The following CLASP1 variants were observed in gnomAD, a reference collection of about 807,000 sequenced individuals.
CLASP1 encodes the protein CLIP-associating protein 1.
In CLASP1, 38 loss-of-function variants were observed where a neutral mutation model predicts 192.3. That is an observed-to-expected ratio of 0.20 (90% CI 0.15 to 0.26). CLASP1 has a LOEUF of 0.26. Among genes scored for constraint, CLASP1 ranks in the 10% least tolerant of loss-of-function variants. The pLI, the probability that CLASP1 is intolerant of heterozygous loss-of-function variation, is 1.00. For synonymous variants in CLASP1, 691 were observed against 712.8 expected (o/e 0.97, Z 0.49); for missense variants, 1,433 against 1,932.5 (o/e 0.74, Z 4.85).
At position 121,365,304 on chromosome 2, in the gene CLASP1, A is replaced by G. The variant is rs1331124315; in HGVS notation, c.3887-20T>C. ...TGGGCACTGGTGAAACACACCAGAC[A>G]TACGTCACCTCGTGAGGAAATGCCC... On this transcript the variant is annotated intron_variant, in intron 35 of 39. Coordinates refer to ENST00000263710, the Ensembl canonical transcript of CLASP1. 6.2e-7 allele frequency: 1 copy of G among 1,603,232 alleles called. No individual in the cohort carries two copies. The highest frequency in any genetic ancestry group is 2.2e-5 in the East Asian group (1 of 44,714).
chr2:121,530,975 C>A lies in CLASP1; in HGVS notation c.196-650G>T, dbSNP rs538424742. On this transcript the variant is annotated intron_variant, in intron 2 of 39. Coordinates refer to ENST00000263710, the Ensembl canonical transcript of CLASP1. ...AACAACACACCCGCATCAACTAGAG[C>A]TTTTGCTTTATTTTGGTGCAATTTT... The A allele has an allele frequency of 5.7e-6, 4 of 700,418 alleles. No individual in the cohort carries two copies. The highest frequency in any genetic ancestry group is 5.4e-5 in the East Asian group (2 of 37,308). 43.4% of individuals were successfully genotyped at this position (700,418 alleles called of 1,614,324 possible). A position where few individuals can be genotyped will look rare whatever the true frequency, so the allele number is the denominator to read the frequency against.
exon 38 of CLASP1, chr2:121,348,541 G>A (rs1263980328): frequency 6.2e-7 from 1 of 1,612,228 alleles, no homozygotes; most frequent in African/African-American, 1.3e-5. Flanking sequence ...ATGTCGACAA[G>A]GAGCTGCAGC....
chr2:121,480,186 G>A (rs547729805), intron 8 of CLASP1, among the ~76,000 whole-genome samples: 1 of 152,326 alleles, frequency 6.6e-6, no homozygotes, highest in East Asian at 1.9e-4. Flanking sequence ...CTTCACAAAG[G>A]GAGGTCAAAT....
At chr2:121,377,507 A>G (rs769714674) in exon 34 of CLASP1, 2 of 1,603,456 alleles carry the variant, frequency 1.2e-6, no homozygotes, top group South Asian at 1.1e-5. Context: ...ACAATATCAC[A>G]CTCCTTTTTG....
At chr2:121,569,383 G>T (rs1576079635) in intron 2 of CLASP1, among the ~76,000 whole-genome samples, 1 of 152,236 alleles carries the variant, frequency 6.6e-6, no homozygotes, top group East Asian at 1.9e-4. Context: ...AGGGCGGCTG[G>T]AGGACAGTAA....
intron 2 of CLASP1, among the ~76,000 whole-genome samples, chr2:121,555,988 C>CCTT (rs2058518177): frequency 2.4e-5 from 1 of 42,372 alleles, no homozygotes; most frequent in Non-Finnish European, 4.0e-5. Flanking sequence ...CTACCCACCG[C>CCTT]TTTTTTTTTT....
intron 7 of CLASP1, chr2:121,503,877 A>T (rs1176957951): frequency 6.6e-6 from 1 of 152,196 alleles, no homozygotes; most frequent in Non-Finnish European, 1.5e-5. Flanking sequence ...AGTGACACCA[A>T]AAATGAAAGG....
intron 2 of CLASP1, among the ~76,000 whole-genome samples, chr2:121,548,166 C>A (rs1575872005): frequency 6.6e-6 from 1 of 152,034 alleles, no homozygotes; most frequent in South Asian, 2.1e-4. Context: ...AAAGTAAGAA[C>A]CAAAATAAAA....
chr2:121,431,927 T>C (rs2081501706), intron 19 of CLASP1, among the ~76,000 whole-genome samples: 1 of 152,180 alleles, frequency 6.6e-6, no homozygotes. Context: ...ATACTTTATT[T>C]TTTCCATATA....
chr2:121,357,286 C>G (rs558405818), intron 37 of CLASP1, among the ~76,000 whole-genome samples: 1 of 152,304 alleles, frequency 6.6e-6, no homozygotes, highest in South Asian at 2.1e-4. Flanking sequence ...CAATTCTATT[C>G]AAAATCAGTC....
In CLASP1 at chr2:121,550,005, C is replaced by CAAA. The variant is rs59439843; in HGVS notation, c.196-19683_196-19681dup. ...TGGGTGACAGAGCACGACTCCGTCTCAAAAAAAAAAAAAAAAAAAAAACCT... is the reference window on the plus strand; with the variant it reads ...TGGGTGACAGAGCACGACTCCGTCTCAAAAAAAAAAAAAAAAAAAAAAAAACCT... On this transcript the variant is annotated intron_variant, in intron 2 of 39. Transcript: ENST00000263710. Among the ~76,000 whole-genome samples, 141 of 55,540 alleles carry CAAA rather than the reference C, an allele frequency of 2.5e-3. 2 individuals carry two copies. Among genetic ancestry groups the CAAA allele is most frequent in the Non-Finnish European group, 3.8e-3 (94 of 24,618 alleles). The allele number at this position is 55,540 out of a possible 152,430, so 36.4% of individuals were successfully genotyped here.
intron 37 of CLASP1, among the ~76,000 whole-genome samples, chr2:121,359,084 T>C (rs745426501): frequency 6.6e-6 from 1 of 152,256 alleles, no homozygotes; most frequent in East Asian, 1.9e-4. Context: ...ATGGGTACTA[T>C]ATGCACATCA....
intron 1 of CLASP1, among the ~76,000 whole-genome samples, chr2:121,633,940 G>A (rs2070303325): frequency 6.6e-6 from 1 of 151,634 alleles, no homozygotes; most frequent in Middle Eastern, 3.4e-3. Context: ...CTGGGAGGCG[G>A]AGCTTGTAGT....
At chr2:121,564,317 C>T (rs1466319530) in intron 2 of CLASP1, among the ~76,000 whole-genome samples, 4 of 152,186 alleles carry the variant, frequency 2.6e-5, no homozygotes, top group African/African-American at 9.7e-5. Flanking sequence ...TCTATTCTTT[C>T]TGAGACCCTG....
At chr2:121,452,889 T>C (rs1004027662) in intron 14 of CLASP1, among the ~76,000 whole-genome samples, 2 of 152,212 alleles carry the variant, frequency 1.3e-5, no homozygotes, top group African/African-American at 4.8e-5. Context: ...AGGAACCCAT[T>C]CAAGAACGCA....
At chr2:121,524,455 T>G (rs2094527349) in intron 6 of CLASP1, among the ~76,000 whole-genome samples, 1 of 152,118 alleles carries the variant, frequency 6.6e-6, no homozygotes, top group Non-Finnish European at 1.5e-5. Flanking sequence ...TGCCATATAT[T>G]TTCCTTTTTT....
At chr2:121,388,001 C>A in intron 30 of CLASP1, 95 bp from the exon 32 acceptor site, 3 of 983,036 alleles carry the variant, frequency 3.1e-6, no homozygotes, top group Non-Finnish European at 3.0e-6. Context: ...TAAGTAAAAT[C>A]ACTAATAAGA....
intron 2 of CLASP1, among the ~76,000 whole-genome samples, chr2:121,551,683 C>T (rs192984429): frequency 2.1e-4 from 32 of 152,226 alleles, no homozygotes; most frequent in Admixed American, 4.6e-4. Flanking sequence ...CAAAACACTG[C>T]TCAGAGAAAT....
intron 26 of CLASP1, among the ~76,000 whole-genome samples, chr2:121,402,905 C>T (rs750364): frequency 0.042 from 6,363 of 152,208 alleles, 167 homozygotes; most frequent in East Asian, 0.14. Context: ...TGCAGTGGTG[C>T]GATCTCAGCT....
Sources: gnomAD v4.1 joint callset for allele counts (sites outside exome capture counted in the v4.1 genomes callset) on GRCh38, gnomAD v4.1.1 for gene constraint, MANE v1.5 for transcripts, NCBI Gene and HGNC (gene_info 2026-07-23, HGNC 2026-07-21) for gene names.